CDKAL1: variants seen among roughly 807,000 people sequenced by gnomAD.
CDKAL1 encodes threonylcarbamoyladenosine tRNA methylthiotransferase.
In CDKAL1, 32 loss-of-function variants were observed where a neutral mutation model predicts 68.2. That is an observed-to-expected ratio of 0.47 (90% CI 0.35 to 0.63). The LOEUF is 0.63. Ranked by LOEUF, CDKAL1 falls within the 30% of genes least tolerant of loss-of-function variation. The pLI, the probability that CDKAL1 is intolerant of heterozygous loss-of-function variation, is 0.00. For synonymous variants in CDKAL1, 234 were observed against 244.3 expected, an observed-to-expected ratio of 0.96 and a Z score of 0.39; for missense variants, 606 against 696.7, an observed-to-expected ratio of 0.87 and a Z score of 1.47.
chr6:20,778,417 A>C (rs1488220331), intron 7 of CDKAL1, among the ~76,000 whole-genome samples: 1 of 152,230 alleles, frequency 6.6e-6, no homozygotes, highest in Non-Finnish European at 1.5e-5. Flanking sequence ...ATATGTAAAT[A>C]ATTCTTACAA....
intron 13 of CDKAL1, among the ~76,000 whole-genome samples, chr6:21,150,790 C>T (rs1582306981): frequency 6.6e-6 from 1 of 152,186 alleles, no homozygotes; most frequent in South Asian, 2.1e-4. Flanking sequence ...TTACTCTTCC[C>T]CAGACTGAAA....
chr6:20,714,378 C>CTTTT lies in CDKAL1; in HGVS notation c.372-25116_372-25113dup, dbSNP rs545162371. On this transcript the variant is annotated intron_variant, in intron 5 of 15. Transcript: ENST00000274695. ...AATATTAATGATACTATTGTCTGTTCTTTTTTTTTTTTTTTTTTTTTTTTT... is the reference window on the plus strand; with the variant it reads ...AATATTAATGATACTATTGTCTGTTCTTTTTTTTTTTTTTTTTTTTTTTTTTTTT... Among the ~76,000 whole-genome samples, 6 of 72,722 alleles carry CTTTT rather than the reference C, an allele frequency of 8.3e-5. 1 individual carries two copies. Among genetic ancestry groups the CTTTT allele is most frequent in the Non-Finnish European group, 1.4e-4 (5 of 34,780 alleles). 47.7% of individuals were successfully genotyped at this position (72,722 alleles called of 152,430 possible). A position where few individuals can be genotyped will look rare whatever the true frequency, so the allele number is the denominator to read the frequency against.
intron 9 of CDKAL1, among the ~76,000 whole-genome samples, chr6:20,901,509 C>G (rs1207393866): frequency 6.6e-6 from 1 of 150,620 alleles, no homozygotes; most frequent in African/African-American, 2.4e-5. Context: ...CCTGTCTCTA[C>G]TAAAAATACA....
chr6:21,098,198 T>C (rs1458985022), intron 12 of CDKAL1, among the ~76,000 whole-genome samples: 1 of 152,152 alleles, frequency 6.6e-6, no homozygotes, highest in Non-Finnish European at 1.5e-5. Context: ...AGGATGAGAA[T>C]GGAAACAGAA....
intron 11 of CDKAL1, among the ~76,000 whole-genome samples, chr6:21,059,832 AAGT>A (rs1771046110): frequency 6.6e-6 from 1 of 151,940 alleles, no homozygotes; most frequent in Admixed American, 6.6e-5. Flanking sequence ...ATATAGGGTG[AAGT>A]CTGAGATTTT....
At chr6:20,990,852 C>T (rs1766752635) in intron 10 of CDKAL1, among the ~76,000 whole-genome samples, 1 of 152,168 alleles carries the variant, frequency 6.6e-6, no homozygotes, top group Non-Finnish European at 1.5e-5. Context: ...ATTGGTCTTT[C>T]GAACATTGCC....
chr6:21,081,350 T>A (rs775175800), intron 12 of CDKAL1, among the ~76,000 whole-genome samples: 47 of 152,278 alleles, frequency 3.1e-4, no homozygotes, highest in Non-Finnish European at 6.3e-4. Context: ...TATATTTCAG[T>A]CTAACTTTTT....
intron 8 of CDKAL1, among the ~76,000 whole-genome samples, chr6:20,801,896 A>G (rs949181446): frequency 1.3e-5 from 2 of 152,176 alleles, no homozygotes; most frequent in Non-Finnish European, 2.9e-5. Flanking sequence ...CATCCTTCTT[A>G]AATGTATTAA....
At chr6:20,876,858 G>A (rs576681248) in intron 9 of CDKAL1, among the ~76,000 whole-genome samples, 123 of 152,070 alleles carry the variant, frequency 8.1e-4, no homozygotes, top group African/African-American at 2.8e-3. Context: ...ACACACACAC[G>A]TACACACAGA....
At chr6:20,929,803 A>T (rs2150670687) in intron 9 of CDKAL1, among the ~76,000 whole-genome samples, 1 of 152,278 alleles carries the variant, frequency 6.6e-6, no homozygotes, top group Admixed American at 6.5e-5. Flanking sequence ...AATTCCCATC[A>T]GCTGAGGGCT....
intron 5 of CDKAL1, among the ~76,000 whole-genome samples, chr6:20,702,115 A>G (rs1044593356): frequency 1.3e-5 from 2 of 152,148 alleles, no homozygotes; most frequent in African/African-American, 4.8e-5. Flanking sequence ...TTAAACTCTT[A>G]GCACTCAGTG....
intron 13 of CDKAL1, among the ~76,000 whole-genome samples, chr6:21,187,909 C>T (rs191960036): frequency 1.8e-3 from 280 of 152,248 alleles, no homozygotes; most frequent in African/African-American, 4.6e-3. Flanking sequence ...CCCAGAAGCA[C>T]AGCCCAGTTT....
At chr6:21,201,594 C>T (rs1012609642) in intron 15 of CDKAL1, among the ~76,000 whole-genome samples, 2 of 152,126 alleles carry the variant, frequency 1.3e-5, no homozygotes, top group Admixed American at 1.3e-4. Flanking sequence ...GTCAGTAGAT[C>T]CTGAGTGGAA....
At chr6:20,806,038 C>T (rs562980939) in intron 8 of CDKAL1, among the ~76,000 whole-genome samples, 1 of 152,158 alleles carries the variant, frequency 6.6e-6, no homozygotes, top group East Asian at 1.9e-4. Context: ...GTAATATGTA[C>T]AGGTCTTTAT....
chr6:20,906,259 C>T (rs748141164), intron 9 of CDKAL1, among the ~76,000 whole-genome samples: 59 of 148,840 alleles, frequency 4.0e-4, no homozygotes, highest in Middle Eastern at 3.5e-3. Flanking sequence ...TTTATGTTTT[C>T]GGACACACAA....
chr6:20,631,893 C>G (rs1295400439), intron 4 of CDKAL1, among the ~76,000 whole-genome samples: 1 of 152,160 alleles, frequency 6.6e-6, no homozygotes. Flanking sequence ...TTCTGTATAG[C>G]ATGAATTCCA....
intron 5 of CDKAL1, among the ~76,000 whole-genome samples, chr6:20,729,853 T>G (rs1006240884): frequency 6.6e-6 from 1 of 152,176 alleles, no homozygotes; most frequent in Admixed American, 6.5e-5. Context: ...CTACTCCTCG[T>G]GGTTGTACTT....
chr6:20,939,494 A>G (rs1763875173), intron 9 of CDKAL1, among the ~76,000 whole-genome samples: 1 of 152,234 alleles, frequency 6.6e-6, no homozygotes, highest in African/African-American at 2.4e-5. Flanking sequence ...GGTTTTTCCT[A>G]GAAGAGATTT....
At chr6:20,795,222 C>T (rs1407633292) in intron 8 of CDKAL1, among the ~76,000 whole-genome samples, 1 of 152,096 alleles carries the variant, frequency 6.6e-6, no homozygotes, top group African/African-American at 2.4e-5. Context: ...CATAGAAGCT[C>T]TCAATAAAAA....
Sources: allele counts gnomAD v4.1 joint callset (sites outside exome capture counted in the v4.1 genomes callset), GRCh38; gene constraint gnomAD v4.1.1; transcripts MANE v1.5; gene names NCBI Gene and HGNC (gene_info 2026-07-23, HGNC 2026-07-21).